LINGO3: variants seen among roughly 807,000 people sequenced by gnomAD.
LINGO3 encodes leucine-rich repeat and immunoglobulin-like domain-containing nogo receptor-interacting protein 3.
For synonymous variants in LINGO3, 427 were observed against 444.2 expected (o/e 0.96, Z 0.49); for missense variants, 750 against 867.7 (o/e 0.86, Z 1.70).
downstream of LINGO3, among the ~76,000 whole-genome samples, chr19:2,287,785 G>A (rs2025480413): frequency 6.6e-6 from 1 of 152,174 alleles, no homozygotes; most frequent in Admixed American, 6.5e-5. This position sits in a 1 kb window ranked among gnomAD's most constrained non-coding sequence, Gnocchi z 4.5. Context: ...GGACACTGAT[G>A]GTCTAGGTGG....
chr19:2,296,593 C>T (rs1174504647), upstream of LINGO3, among the ~76,000 whole-genome samples: 2 of 152,036 alleles, frequency 1.3e-5, no homozygotes, highest in African/African-American at 4.8e-5. Context: ...ATTATCCTGC[C>T]TCAGCCTCCC....
chr19:2,300,324 G>A, the LINGO3 span, among the ~76,000 whole-genome samples: 1 of 151,908 alleles, frequency 6.6e-6, no homozygotes, highest in Non-Finnish European at 1.5e-5. Flanking sequence ...GAGCCACTGC[G>A]CCCGGCCCCA....
At chr19:2,305,668 G>T in the LINGO3 span, among the ~76,000 whole-genome samples, 2 of 152,158 alleles carry the variant, frequency 1.3e-5, no homozygotes, top group Admixed American at 6.5e-5. Context: ...AACCCAGAGG[G>T]GGCAGGAGTG....
the LINGO3 span, among the ~76,000 whole-genome samples, chr19:2,299,734 T>C: frequency 1.4e-5 from 2 of 146,324 alleles, no homozygotes; most frequent in East Asian, 4.0e-4. Flanking sequence ...TTTTTTTTTT[T>C]TTTTTTTGAG....
Position 2,290,047 on chromosome 19 carries a change from G to T in LINGO3, c.1730C>A (p.Ala577Asp). The T allele has an allele frequency of 6.4e-7, 1 of 1,552,144 alleles. No homozygotes were observed. Among genetic ancestry groups the T allele is most frequent in the Non-Finnish European group, 8.7e-7 (1 of 1,148,310 alleles). Residue 577 changes from alanine (A) to aspartate (D), a missense_variant, in exon 1 of 1, where the codon GCC (alanine) becomes GAC (aspartate). Coordinates refer to ENST00000585527, the Ensembl canonical transcript of LINGO3. This position sits in a 1 kb window ranked among gnomAD's most constrained non-coding sequence, Gnocchi z 6.0. ...GCGCGCGCCTCCCTGGCCCGCCGCG[G>T]CGGCCGGCCCATCCACCTTGCGGAA...
At chr19:2,300,965 C>CCAGGCATGTGGTTCACCCCGGTAA in the LINGO3 span, among the ~76,000 whole-genome samples, 1 of 152,040 alleles carries the variant, frequency 6.6e-6, no homozygotes, top group Admixed American at 6.6e-5. Context: ...CCTCCACCCA[C>CCAGGCATGTGGTTCACCCCGGTAA]TCCATGCCAG....
chr19:2,289,957 C>T (rs1220636360), exon 1 of LINGO3: 5 of 1,461,540 alleles, frequency 3.4e-6, no homozygotes, highest in Non-Finnish European at 4.6e-6. Context: ...GAGCGGCCGG[C>T]CCGCGGGGGA....
chr19:2,289,603 G>A (rs1178235085), downstream of LINGO3, among the ~76,000 whole-genome samples: 3 of 151,910 alleles, frequency 2.0e-5, no homozygotes, highest in Non-Finnish European at 4.4e-5. Flanking sequence ...CTGGGGGAGC[G>A]GAAGCCCAGG....
At chr19:2,308,044 G>C in the LINGO3 span, among the ~76,000 whole-genome samples, 1 of 150,792 alleles carries the variant, frequency 6.6e-6, no homozygotes, top group African/African-American at 2.4e-5. Context: ...CTGCGGGCGC[G>C]CCCCACGCCG....
At chr19:2,287,336 C>T (rs1475087667), downstream of LINGO3, among the ~76,000 whole-genome samples, 2 of 152,028 alleles carry the variant, frequency 1.3e-5, no homozygotes, top group Non-Finnish European at 1.5e-5. The surrounding 1 kb of genome is among the most constrained non-coding windows in gnomAD (Gnocchi z 4.5). Context: ...AGAATGCACC[C>T]CCTCCTGTCT....
chr19:2,291,079 G>A (rs2025514774), exon 1 of LINGO3: 1 of 1,610,076 alleles, frequency 6.2e-7, no homozygotes, highest in Non-Finnish European at 8.5e-7. Context: ...CTCCAGCAGC[G>A]GCCAGTTGTC....
upstream of LINGO3, among the ~76,000 whole-genome samples, chr19:2,294,603 T>G (rs1231323271): frequency 2.1e-4 from 26 of 125,964 alleles, no homozygotes; most frequent in East Asian, 4.7e-4. This position sits in a 1 kb window ranked among gnomAD's most constrained non-coding sequence, Gnocchi z 4.3. Context: ...AAGGAGAGAG[T>G]GGAGGGGGGC....
chr19:2,302,539 C>T, the LINGO3 span, among the ~76,000 whole-genome samples: 4 of 152,222 alleles, frequency 2.6e-5, no homozygotes, highest in African/African-American at 7.2e-5. Flanking sequence ...GGTTGGCGAC[C>T]GAGAACCTTC....
chr19:2,288,410 G>A (rs762838718), downstream of LINGO3, among the ~76,000 whole-genome samples: 22 of 152,232 alleles, frequency 1.4e-4, no homozygotes, highest in Non-Finnish European at 2.8e-4. This position sits in a 1 kb window ranked among gnomAD's most constrained non-coding sequence, Gnocchi z 6.5. Flanking sequence ...CAGCAGGGCC[G>A]GCCATGATGG....
the LINGO3 span, among the ~76,000 whole-genome samples, chr19:2,302,679 C>T: frequency 2.0e-5 from 3 of 152,246 alleles, no homozygotes; most frequent in Non-Finnish European, 2.9e-5. Context: ...TGGGGGAGCG[C>T]GGCGTCGACC....
At chr19:2,289,752 C>T (rs59501551), downstream of LINGO3, 2,544 of 392,770 alleles carry the variant, frequency 6.5e-3, 59 homozygotes, top group African/African-American at 0.049. Context: ...ACCCCCACCC[C>T]CCAGCTCAGC....
the LINGO3 span, among the ~76,000 whole-genome samples, chr19:2,301,657 C>T: frequency 4.6e-3 from 707 of 152,124 alleles, 9 homozygotes; most frequent in African/African-American, 0.016. Context: ...GGGCTGGGTG[C>T]GGTGGCTCAC....
At chr19:2,299,436 T>A in the LINGO3 span, among the ~76,000 whole-genome samples, 4,031 of 152,170 alleles carry the variant, frequency 0.026, 231 homozygotes, top group East Asian at 0.23. Context: ...ATTTTATTTT[T>A]TTTTTGAGAT....
the LINGO3 span, among the ~76,000 whole-genome samples, chr19:2,297,655 A>G: frequency 2.2e-5 from 3 of 134,268 alleles, no homozygotes; most frequent in Non-Finnish European, 4.6e-5. Flanking sequence ...TCCAGGCTGG[A>G]GTGCAATGGC....
Sources: gnomAD v4.1 joint callset for allele counts (sites outside exome capture counted in the v4.1 genomes callset) on GRCh38, gnomAD v4.1.1 for gene constraint, Gnocchi (gnomAD v3.1) non-coding constraint, MANE v1.5 for transcripts, NCBI Gene and HGNC (gene_info 2026-07-23, HGNC 2026-07-21) for gene names.